Variants in CNTN6 observed in about 807,000 individuals in gnomAD.
CNTN6 encodes the protein contactin 6.
A neutral mutation model predicts 122.8 loss-of-function variants in CNTN6; 137 were observed. The ratio of observed to expected loss-of-function variants is 1.12; its 90% CI spans 0.97 to 1.29. CNTN6 has a LOEUF of 1.29. CNTN6 is among the 50% of genes most tolerant of loss of function. CNTN6 has a pLI of 0.00. For synonymous variants in CNTN6, 570 were observed against 426.0 expected, an observed-to-expected ratio of 1.34 and a Z score of -4.16; for missense variants, 1,634 against 1,223.4, an observed-to-expected ratio of 1.34 and a Z score of -5.01.
chr3:1,287,136 C>G (rs762819847), intron 5 of CNTN6, among the ~76,000 whole-genome samples: 101 of 152,118 alleles, frequency 6.6e-4, no homozygotes, highest in Non-Finnish European at 1.3e-3. Flanking sequence ...ACTTTAACAC[C>G]CCACTGTCAA....
At chr3:1,275,803 CAG>C (rs199865035) in intron 4 of CNTN6, among the ~76,000 whole-genome samples, 63,174 of 151,786 alleles carry the variant, frequency 0.42, 14,364 homozygotes, top group Non-Finnish European at 0.53. Context: ...GCTGATCTAA[CAG>C]GGGGCAGAGC....
At chr3:1,288,705 G>GA (rs1307562217) in intron 5 of CNTN6, among the ~76,000 whole-genome samples, 1 of 152,116 alleles carries the variant, frequency 6.6e-6, no homozygotes, top group Non-Finnish European at 1.5e-5. Context: ...TCTTTCACAT[G>GA]AGATATTTTT....
chr3:1,300,046 A>G (rs1356223434), intron 7 of CNTN6, among the ~76,000 whole-genome samples: 3 of 151,754 alleles, frequency 2.0e-5, no homozygotes, highest in African/African-American at 4.8e-5. Context: ...GCTTGATCTC[A>G]GCTCACTGCA....
At chr3:1,100,911 G>T (rs1197066970) in intron 1 of CNTN6, among the ~76,000 whole-genome samples, 2 of 151,904 alleles carry the variant, frequency 1.3e-5, no homozygotes, top group African/African-American at 2.4e-5. Flanking sequence ...TATTACTTAT[G>T]TCTGCTGGAT....
At chr3:1,115,613 A>G (rs2091686452) in intron 1 of CNTN6, among the ~76,000 whole-genome samples, 1 of 152,092 alleles carries the variant, frequency 6.6e-6, no homozygotes, top group Admixed American at 6.6e-5. Context: ...TTAGCCGGGC[A>G]TGAAGGTGCA....
At chr3:1,375,485 A>T (rs538350943) in intron 16 of CNTN6, among the ~76,000 whole-genome samples, 1 of 152,204 alleles carries the variant, frequency 6.6e-6, no homozygotes, top group Non-Finnish European at 1.5e-5. Flanking sequence ...AATTAATTTA[A>T]AATTGAATAG....
At chr3:1,370,626 G>T (rs1175580666) in intron 12 of CNTN6, among the ~76,000 whole-genome samples, 1 of 152,074 alleles carries the variant, frequency 6.6e-6, no homozygotes, top group Admixed American at 6.6e-5. Flanking sequence ...AAGTCAGGTG[G>T]ATCACTTGAT....
intron 5 of CNTN6, among the ~76,000 whole-genome samples, chr3:1,294,680 G>A (rs925756395): frequency 5.9e-5 from 9 of 152,130 alleles, no homozygotes; most frequent in South Asian, 2.1e-4. Context: ...ATAGTTACTC[G>A]GAGAAATGCT....
At chr3:1,342,365 T>G (rs1308126816) in intron 11 of CNTN6, among the ~76,000 whole-genome samples, 1 of 152,118 alleles carries the variant, frequency 6.6e-6, no homozygotes, top group African/African-American at 2.4e-5. Context: ...CCTGACCTAG[T>G]TATCTGCCCA....
chr3:1,134,860 T>A (rs2092432121), intron 1 of CNTN6, among the ~76,000 whole-genome samples: 1 of 152,168 alleles, frequency 6.6e-6, no homozygotes, highest in Admixed American at 6.5e-5. Flanking sequence ...TTAGTAAGAA[T>A]GCAGGAAGCA....
In CNTN6 at chr3:1,227,946, A is replaced by G; in HGVS notation, c.311A>G (p.Asn104Ser). ...DIGMYQCLAT[N>S]LLGTILSRKA... ...GGCATGTACCAGTGCCTGGCCACCA[A>G]TCTTCTGGGGACAATTCTGAGTCGG... is the stretch of plus-strand genomic sequence containing the variant. Residue 104 changes from asparagine to serine, a missense_variant, in exon 4 of 23, where the codon AAT becomes AGT. Coordinates refer to ENST00000446702, the MANE Select transcript of CNTN6 (RefSeq NM_001289080.2). 1 of 1,614,038 alleles carries G rather than the reference A, an allele frequency of 6.2e-7. No individual in the cohort carries two copies. The highest frequency in any genetic ancestry group is 8.5e-7 in the Non-Finnish European group (1 of 1,179,954).
At chr3:1,142,021 T>C (rs191169572) in intron 1 of CNTN6, among the ~76,000 whole-genome samples, 58 of 152,236 alleles carry the variant, frequency 3.8e-4, no homozygotes, top group African/African-American at 8.7e-4. Context: ...ATAACTCTCA[T>C]TGTCTCTCAA....
intron 4 of CNTN6, among the ~76,000 whole-genome samples, chr3:1,247,158 C>A (rs979998392): frequency 6.6e-5 from 10 of 151,934 alleles, no homozygotes; most frequent in Non-Finnish European, 1.2e-4. Context: ...TTATAATGCA[C>A]CTGCATTTTA....
intron 3 of CNTN6, among the ~76,000 whole-genome samples, chr3:1,223,402 T>A (rs1318319511): frequency 6.6e-6 from 1 of 152,180 alleles, no homozygotes; most frequent in Non-Finnish European, 1.5e-5. Flanking sequence ...TCAGGGAAAA[T>A]AAGCAATATT....
At chr3:1,280,459 A>ATTTTTTTTTTTTTT (rs71619483) in intron 5 of CNTN6, among the ~76,000 whole-genome samples, 1,907 of 66,544 alleles carry the variant, frequency 0.029, 483 homozygotes, top group Non-Finnish European at 0.038. Flanking sequence ...TGTAATACCA[A>ATTTTTTTTTTTTTT]TTTTTTTTTT....
chr3:1,204,488 G>T (rs1029144568), intron 2 of CNTN6, among the ~76,000 whole-genome samples: 5 of 152,094 alleles, frequency 3.3e-5, no homozygotes. Flanking sequence ...ATCTTAAAAA[G>T]ATAAATAATC....
At chr3:1,116,210 A>G (rs751937626) in intron 1 of CNTN6, among the ~76,000 whole-genome samples, 2 of 152,178 alleles carry the variant, frequency 1.3e-5, no homozygotes, top group Non-Finnish European at 2.9e-5. Flanking sequence ...AGGGAAGTCC[A>G]TTAATAATAG....
intron 12 of CNTN6, among the ~76,000 whole-genome samples, chr3:1,360,310 T>A (rs1707263040): frequency 6.6e-6 from 1 of 152,096 alleles, no homozygotes; most frequent in South Asian, 2.1e-4. Context: ...TCTCCAATGT[T>A]TGACAATTTC....
At chr3:1,386,299 A>G (rs898371098) in intron 20 of CNTN6, among the ~76,000 whole-genome samples, 5 of 152,200 alleles carry the variant, frequency 3.3e-5, no homozygotes, top group African/African-American at 1.2e-4. Flanking sequence ...GTATATTCAC[A>G]TGTGATCCTA....
Sources: gnomAD v4.1 joint callset for allele counts (sites outside exome capture counted in the v4.1 genomes callset) on GRCh38, gnomAD v4.1.1 for gene constraint, MANE v1.5 for transcripts, NCBI Gene and HGNC (gene_info 2026-07-23, HGNC 2026-07-21) for gene names.